PTK2B: variants seen among roughly 807,000 people sequenced by gnomAD.
PTK2B encodes the protein protein tyrosine kinase 2 beta.
In PTK2B, 71 loss-of-function variants were observed where a neutral mutation model predicts 142.9. The ratio of observed to expected loss-of-function variants is 0.50; its 90% CI spans 0.41 to 0.61. PTK2B has a LOEUF of 0.61. Ranked by LOEUF, PTK2B falls within the 20% of genes least tolerant of loss-of-function variation. The pLI, the probability that PTK2B is intolerant of heterozygous loss-of-function variation, is 0.00. For missense variants in PTK2B, 1,105 were observed against 1,320.4 expected, an observed-to-expected ratio of 0.84 and a Z score of 2.53; for synonymous variants, 519 against 503.4, an observed-to-expected ratio of 1.03 and a Z score of -0.42.
intron 2 of PTK2B, among the ~76,000 whole-genome samples, chr8:27,398,519 C>T (rs2131425995): frequency 6.6e-6 from 1 of 152,300 alleles, no homozygotes; most frequent in African/African-American, 2.4e-5. Context: ...TGGGCCAATC[C>T]CTCTACACAC....
Position 27,363,151 on chromosome 8 carries a change from C to G in PTK2B, c.-37-34397C>G, listed in dbSNP as rs1805817036. Among the ~76,000 whole-genome samples, 1 of 152,230 alleles carries G rather than the reference C, an allele frequency of 6.6e-6. No individual in the cohort carries two copies. The highest frequency in any genetic ancestry group is 2.4e-5 in the African/African-American group (1 of 41,466). ...TAGGACAAGGGCCAGCCCATCCTGT[C>G]AGGCCAGAGCACTTCTGTGGTCTTC... On this transcript the variant is annotated intron_variant, in intron 1 of 30. Transcript: ENST00000346049. This position sits in a 1 kb window ranked among gnomAD's most constrained non-coding sequence, Gnocchi z 4.3.
At chr8:27,322,065 C>T (rs141270424), upstream of PTK2B, among the ~76,000 whole-genome samples, 1,016 of 152,034 alleles carry the variant, frequency 6.7e-3, 8 homozygotes, top group Non-Finnish European at 9.2e-3. Context: ...TTATAGCTCA[C>T]TGTAACCTCT....
chr8:27,435,699 C>A (rs770852018), intron 13 of PTK2B, 44 bp from the exon 14 acceptor site: 3 of 1,608,412 alleles, frequency 1.9e-6, no homozygotes, highest in Non-Finnish European at 2.6e-6. Flanking sequence ...CGGTGCCCAC[C>A]AAGGGCATCT....
At chr8:27,378,391 G>C (rs1014808645) in intron 1 of PTK2B, among the ~76,000 whole-genome samples, 11 of 152,232 alleles carry the variant, frequency 7.2e-5, no homozygotes, top group African/African-American at 2.7e-4. Flanking sequence ...CACTTCAGGA[G>C]CTGAACGATC....
intron 1 of PTK2B, among the ~76,000 whole-genome samples, chr8:27,339,071 CTG>C (rs2129949351): frequency 6.6e-6 from 1 of 152,276 alleles, no homozygotes; most frequent in South Asian, 2.1e-4. Flanking sequence ...AAACAAGACA[CTG>C]TATTTTCTGT....
At chr8:27,319,260 A>C (rs945429627) in intron 3 of PTK2B, among the ~76,000 whole-genome samples, 3 of 149,708 alleles carry the variant, frequency 2.0e-5, no homozygotes, top group African/African-American at 7.4e-5. Flanking sequence ...TTTTCGTTTT[A>C]TCTCTCCCCT....
chr8:27,410,417 G>A (rs1157466557), intron 2 of PTK2B, among the ~76,000 whole-genome samples: 2 of 152,234 alleles, frequency 1.3e-5, no homozygotes, highest in Non-Finnish European at 2.9e-5. Context: ...GTGTTCACCA[G>A]TCACTCAATA....
intron 10 of PTK2B, among the ~76,000 whole-genome samples, chr8:27,433,046 C>T (rs1349554442): frequency 1.3e-5 from 2 of 152,164 alleles, no homozygotes; most frequent in African/African-American, 2.4e-5. Flanking sequence ...AGGCTGGTCT[C>T]AAACTCCTGA....
chr8:27,454,759 C>T, intron 30 of PTK2B, 148 bp downstream of exon 30: 2 of 811,594 alleles, frequency 2.5e-6, no homozygotes, highest in East Asian at 2.7e-5. Context: ...TATCCATCAG[C>T]TACCACCAGA....
At chr8:27,399,529 A>G (rs17376255) in intron 2 of PTK2B, among the ~76,000 whole-genome samples, 56,463 of 152,140 alleles carry the variant, frequency 0.37, 11,278 homozygotes, top group Middle Eastern at 0.5. Context: ...GGAACAACAC[A>G]TATTTTTAAG....
chr8:27,385,816 C>G (rs945075629), intron 1 of PTK2B, among the ~76,000 whole-genome samples: 1 of 149,602 alleles, frequency 6.7e-6, no homozygotes, highest in Non-Finnish European at 1.5e-5. Context: ...TCACTTGAAC[C>G]CGGGAGGCAG....
Position 27,437,309 on chromosome 8 carries a change from C to T in PTK2B, c.1427-87C>T, listed in dbSNP as rs112057127. 1.4e-4 allele frequency: 214 copies of T among 1,533,572 alleles called. 1 individual carries two copies. The highest frequency in any genetic ancestry group is 1.2e-3 in the East Asian group (55 of 44,200). 95.0% of individuals were successfully genotyped at this position (1,533,572 alleles called of 1,614,324 possible). On this transcript the variant is annotated intron_variant, in intron 16 of 30. Transcript: ENST00000346049. Reference sequence around the variant, plus strand: ...GGACCCATGTTGGAGGAGGGGTTCCCGTCCTCCCAGCTAGAAGAGCAAAGG... The same window carrying T: ...GGACCCATGTTGGAGGAGGGGTTCCTGTCCTCCCAGCTAGAAGAGCAAAGG...
At chr8:27,409,111 A>G (rs957050613) in intron 2 of PTK2B, among the ~76,000 whole-genome samples, 4 of 152,118 alleles carry the variant, frequency 2.6e-5, no homozygotes, top group Non-Finnish European at 5.9e-5. Context: ...GTCATTTTAG[A>G]TGACAGCCCA....
chr8:27,348,683 G>A (rs2130397570), intron 1 of PTK2B, among the ~76,000 whole-genome samples: 1 of 152,280 alleles, frequency 6.6e-6, no homozygotes, highest in East Asian at 1.9e-4. Flanking sequence ...CAAATTGGTT[G>A]TTGCTTGGCT....
intron 1 of PTK2B, among the ~76,000 whole-genome samples, chr8:27,353,606 A>G (rs542101190): frequency 1.3e-5 from 2 of 152,278 alleles, no homozygotes; most frequent in African/African-American, 4.8e-5. Flanking sequence ...ACAGCCCTGT[A>G]TCTACCTAGT....
chr8:27,420,634 A>G, intron 3 of PTK2B, 23 bp from the exon 4 acceptor site: 6 of 1,606,518 alleles, frequency 3.7e-6, no homozygotes, highest in Non-Finnish European at 5.1e-6. Context: ...TGTGTCAACC[A>G]GAGCCTGAAT....
At chr8:27,438,900 G>T in intron 18 of PTK2B, 131 bp from the exon 19 acceptor site, 1 of 824,602 alleles carries the variant, frequency 1.2e-6, no homozygotes, top group Non-Finnish European at 1.9e-6. Flanking sequence ...GAAGCTGCCC[G>T]ATTCTGCTCT....
chr8:27,311,301 A>G, upstream of PTK2B: 7 of 1,434,360 alleles, frequency 4.9e-6, no homozygotes, highest in South Asian at 8.8e-5. Flanking sequence ...CCCGGCTGCC[A>G]ACGCCCGCGA....
At chr8:27,407,159 G>A (rs7006248) in intron 2 of PTK2B, among the ~76,000 whole-genome samples, 125,034 of 152,042 alleles carry the variant, frequency 0.82, 51,951 homozygotes, top group Middle Eastern at 0.95. Flanking sequence ...CGGAAAGAAA[G>A]GGCCTTCTAA....
Sources: allele counts gnomAD v4.1 joint callset (sites outside exome capture counted in the v4.1 genomes callset), GRCh38; gene constraint gnomAD v4.1.1; non-coding constraint Gnocchi (gnomAD v3.1); transcripts MANE v1.5; gene names NCBI Gene and HGNC (gene_info 2026-07-23, HGNC 2026-07-21).